Variants in SMIM36 observed in about 807,000 individuals in gnomAD.
SMIM36 encodes small integral membrane protein 36.
chr17:55,514,543 A>G (rs890494568), upstream of SMIM36, among the ~76,000 whole-genome samples: 1 of 152,330 alleles, frequency 6.6e-6, no homozygotes, highest in East Asian at 1.9e-4. Flanking sequence ...GCTTATTCTC[A>G]TTCCCTTTTT....
exon 5 of SMIM36, chr17:55,449,939 A>G (rs1908876302): frequency 6.6e-6 from 1 of 152,254 alleles, no homozygotes; most frequent in South Asian, 2.1e-4. Flanking sequence ...GATCCCCCAA[A>G]AGACACGCCC....
upstream of SMIM36, among the ~76,000 whole-genome samples, chr17:55,513,530 G>A (rs981992319): frequency 2.0e-5 from 3 of 152,302 alleles, no homozygotes; most frequent in South Asian, 2.1e-4. Context: ...TGTAAGTCAC[G>A]TGCAATGCAC....
At chr17:55,463,489 C>T (rs567850932) in intron 4 of SMIM36, among the ~76,000 whole-genome samples, 116 of 152,278 alleles carry the variant, frequency 7.6e-4, no homozygotes, top group African/African-American at 2.8e-3. Context: ...GAGTTTGAGG[C>T]AGCAGAGTTA....
At chr17:55,519,746 C>T in the SMIM36 span, among the ~76,000 whole-genome samples, 1 of 152,250 alleles carries the variant, frequency 6.6e-6, no homozygotes, top group South Asian at 2.1e-4. Context: ...AAAGAAGAGG[C>T]ATTTGGCGAG....
intron 3 of SMIM36, among the ~76,000 whole-genome samples, chr17:55,474,135 G>T (rs1351557670): frequency 3.3e-5 from 5 of 152,188 alleles, no homozygotes; most frequent in African/African-American, 1.2e-4. Context: ...GAGCTTGGTT[G>T]TTGGAGACGT....
chr17:55,508,447 T>TATATATTCCTAGGA (rs1555623049), intron 1 of SMIM36, among the ~76,000 whole-genome samples: 17 of 55,054 alleles, frequency 3.1e-4, no homozygotes, highest in Non-Finnish European at 6.2e-4. Context: ...TATATATATA[T>TATATATTCCTAGGA]ATATATATAT....
At chr17:55,483,843 G>A (rs1407572555) in intron 1 of SMIM36, among the ~76,000 whole-genome samples, 2 of 152,040 alleles carry the variant, frequency 1.3e-5, no homozygotes, top group African/African-American at 2.4e-5. Flanking sequence ...AGGCTGGTTG[G>A]TCTTAAACTC....
chr17:55,514,821 A>G (rs544910866), upstream of SMIM36, among the ~76,000 whole-genome samples: 47 of 152,324 alleles, frequency 3.1e-4, no homozygotes, highest in African/African-American at 1.1e-3. Flanking sequence ...TTGTATATCA[A>G]CTATTCTGGA....
chr17:55,492,242 C>CTTTCT (rs1555621869), intron 1 of SMIM36, among the ~76,000 whole-genome samples: 67 of 111,334 alleles, frequency 6.0e-4, no homozygotes, highest in Non-Finnish European at 1.1e-3. Flanking sequence ...TTCTTTCTTT[C>CTTTCT]TTTTTTTTTT....
chr17:55,461,493 T>C (rs1909148076), intron 4 of SMIM36, among the ~76,000 whole-genome samples: 1 of 152,066 alleles, frequency 6.6e-6, no homozygotes, highest in Non-Finnish European at 1.5e-5. Flanking sequence ...GGAAGAGGAC[T>C]GATTATAGAG....
chr17:55,527,900 G>A, the SMIM36 span: 1 of 152,208 alleles, frequency 6.6e-6, no homozygotes, highest in Admixed American at 6.5e-5. Flanking sequence ...TGCCTACTTA[G>A]CCCCAGAAGA....
intron 1 of SMIM36, among the ~76,000 whole-genome samples, chr17:55,488,742 T>G (rs943133072): frequency 6.6e-6 from 1 of 152,224 alleles, no homozygotes; most frequent in African/African-American, 2.4e-5. Flanking sequence ...CTTATAGACT[T>G]ACTCAACTTT....
intron 1 of SMIM36, among the ~76,000 whole-genome samples, chr17:55,507,303 C>G (rs113280196): frequency 0.44 from 42,625 of 97,084 alleles, 9,319 homozygotes; most frequent in African/African-American, 0.63. Context: ...GCATTATTCA[C>G]AATAGCAAAG....
intron 1 of SMIM36, among the ~76,000 whole-genome samples, chr17:55,501,494 A>T (rs1333287072): frequency 1.9e-5 from 2 of 105,656 alleles, no homozygotes; most frequent in South Asian, 2.5e-4. Context: ...TATATAATAT[A>T]ATATAATATA....
At chr17:55,467,961 GGAGCTCCCCACT>G (rs989794851) in intron 3 of SMIM36, 27 of 152,196 alleles carry the variant, frequency 1.8e-4, no homozygotes, top group African/African-American at 6.0e-4. Context: ...GTGAGTCTCG[GGAGCTCCCCACT>G]GAGCACCTTG....
intron 1 of SMIM36, among the ~76,000 whole-genome samples, chr17:55,480,742 G>A (rs960515539): frequency 1.3e-5 from 2 of 152,158 alleles, no homozygotes; most frequent in African/African-American, 2.4e-5. Flanking sequence ...TTCCCCATAG[G>A]AGCTTGGCCT....
At chr17:55,522,036 C>T in the SMIM36 span, among the ~76,000 whole-genome samples, 1 of 152,090 alleles carries the variant, frequency 6.6e-6, no homozygotes, top group Admixed American at 6.6e-5. Flanking sequence ...CTAATAACTC[C>T]CCATTTCACT....
intron 4 of SMIM36, among the ~76,000 whole-genome samples, chr17:55,458,670 C>G (rs1415453257): frequency 6.6e-6 from 1 of 151,184 alleles, no homozygotes; most frequent in Non-Finnish European, 1.5e-5. Flanking sequence ...TTGAGAAGAG[C>G]TCGCAGAAGA....
chr17:55,492,626 C>T (rs1465552591), intron 1 of SMIM36, among the ~76,000 whole-genome samples: 1 of 123,300 alleles, frequency 8.1e-6, no homozygotes, highest in Non-Finnish European at 1.5e-5. Flanking sequence ...AATACACCCA[C>T]TTAAAAAAAA....
Sources: allele counts gnomAD v4.1 joint callset (sites outside exome capture counted in the v4.1 genomes callset), GRCh38; gene constraint gnomAD v4.1.1; transcripts MANE v1.5; gene names NCBI Gene and HGNC (gene_info 2026-07-23, HGNC 2026-07-21).